Variants in TENT2 observed in about 807,000 individuals in gnomAD.
The protein encoded by TENT2 is terminal nucleotidyltransferase 2.
A neutral mutation model predicts 72.2 loss-of-function variants in TENT2; 44 were observed. That is an observed-to-expected ratio of 0.61 (90% CI 0.48 to 0.78). The LOEUF (loss-of-function observed/expected upper bound fraction) is 0.78. Ranked by LOEUF, TENT2 falls within the 30% of genes least tolerant of loss-of-function variation. The pLI, the probability that TENT2 is intolerant of heterozygous loss-of-function variation, is 0.00. For synonymous variants in TENT2, 212 were observed against 192.5 expected (o/e 1.10, Z -0.84); for missense variants, 541 against 569.6 (o/e 0.95, Z 0.51).
intron 7 of TENT2, 25 bp downstream of exon 7, chr5:79,642,935 G>A (rs374718741): frequency 6.5e-4 from 1,039 of 1,601,652 alleles, no homozygotes; most frequent in Non-Finnish European, 8.2e-4. Flanking sequence ...CCTCAAGTTT[G>A]TATGTCACCT....
chr5:79,666,356 CTG>C (rs1807912354), intron 11 of TENT2, among the ~76,000 whole-genome samples: 2 of 151,158 alleles, frequency 1.3e-5, no homozygotes, highest in African/African-American at 2.4e-5. Flanking sequence ...TCATTAAAAA[CTG>C]GGGATGTCTT....
intron 4 of TENT2, 91 bp downstream of exon 4, chr5:79,623,580 G>C (rs1264461644): frequency 3.1e-5 from 27 of 870,458 alleles, no homozygotes; most frequent in Non-Finnish European, 4.3e-5. Flanking sequence ...GGATTAAGTA[G>C]AACGTGCCTT....
chr5:79,636,962 TTTATA>T (rs1452148657), intron 4 of TENT2, among the ~76,000 whole-genome samples: 1 of 152,210 alleles, frequency 6.6e-6, no homozygotes, highest in East Asian at 1.9e-4. Context: ...GCCTTGGTTT[TTTATA>T]TTATGTTAAA....
At chr5:79,675,446 C>T (rs1367537122) in intron 12 of TENT2, among the ~76,000 whole-genome samples, 1 of 151,984 alleles carries the variant, frequency 6.6e-6, no homozygotes, top group Non-Finnish European at 1.5e-5. Flanking sequence ...AGAAGTAAGA[C>T]GAAAGTATGA....
At chr5:79,640,422 A>C (rs1783552631) in intron 4 of TENT2, among the ~76,000 whole-genome samples, 1 of 152,092 alleles carries the variant, frequency 6.6e-6, no homozygotes. Flanking sequence ...GATTGGGCAA[A>C]CTTCTTTAAA....
intron 4 of TENT2, among the ~76,000 whole-genome samples, chr5:79,632,112 CAG>C (rs1776054143): frequency 1.3e-5 from 2 of 152,100 alleles, no homozygotes; most frequent in African/African-American, 2.4e-5. Flanking sequence ...ACCAGAGAAA[CAG>C]AGTGCAGAAG....
In TENT2 at chr5:79,685,333, T is replaced by C. The variant is rs1825712057; in HGVS notation, c.*60T>C. ...ATAAAGAACAATAGTTTCATCATAA[T>C]ACATTATGTTTACCTCCATCATAGT... On this transcript the variant is annotated 3_prime_UTR_variant, in exon 15 of 15. Transcript: ENST00000453514. 6.4e-6 allele frequency: 8 copies of C among 1,249,098 alleles called. No homozygotes were observed. The highest frequency in any genetic ancestry group is 9.0e-6 in the Non-Finnish European group (8 of 892,660). 77.4% of individuals were successfully genotyped at this position (1,249,098 alleles called of 1,614,324 possible). A position where few individuals can be genotyped will look rare whatever the true frequency, so the allele number is the denominator to read the frequency against.
Position 79,686,952 on chromosome 5 carries a change from T to C in TENT2, c.*1679T>C, listed in dbSNP as rs141409653. 5.8e-3 allele frequency among the ~76,000 whole-genome samples: 885 copies of C among 152,290 alleles called. 7 individuals carry two copies. Among genetic ancestry groups the C allele is most frequent in the South Asian group, 0.018 (85 of 4,824 alleles). On this transcript the variant is annotated 3_prime_UTR_variant, in exon 15 of 15. Transcript: ENST00000453514. ...TATTCTAGTGATGACTGGGTAATCA[T>C]TATAAGCATTAGTCATAGTACTATT... is the stretch of plus-strand genomic sequence containing the variant.
intron 12 of TENT2, among the ~76,000 whole-genome samples, chr5:79,670,598 C>T (rs1186760513): frequency 6.6e-6 from 1 of 151,926 alleles, no homozygotes; most frequent in Non-Finnish European, 1.5e-5. Context: ...GCTGGGATTA[C>T]AGGTGTGAGC....
intron 10 of TENT2, among the ~76,000 whole-genome samples, chr5:79,649,905 C>T (rs1792354260): frequency 6.6e-6 from 1 of 152,024 alleles, no homozygotes; most frequent in Non-Finnish European, 1.5e-5. Flanking sequence ...AAGAAATAAA[C>T]ATTAAGCTGC....
At chr5:79,635,080 T>C (rs1778995274) in intron 4 of TENT2, among the ~76,000 whole-genome samples, 1 of 152,234 alleles carries the variant, frequency 6.6e-6, no homozygotes, top group South Asian at 2.1e-4. Flanking sequence ...TGTTATTACA[T>C]ATATGATCTA....
intron 10 of TENT2, 159 bp from the exon 11 acceptor site, chr5:79,656,799 C>A: frequency 2.0e-6 from 1 of 511,452 alleles, no homozygotes; most frequent in Non-Finnish European, 3.4e-6. Context: ...ATTTTAAATA[C>A]AAACTTAGGG....
At chr5:79,656,862 C>T in intron 10 of TENT2, 96 bp from the exon 11 acceptor site, 6 of 765,394 alleles carry the variant, frequency 7.8e-6, no homozygotes, top group Non-Finnish European at 1.3e-5. Flanking sequence ...TAGCATAAAC[C>T]CTTATGGTCT....
At chr5:79,650,374 A>G (rs1418270424) in intron 10 of TENT2, among the ~76,000 whole-genome samples, 1 of 152,072 alleles carries the variant, frequency 6.6e-6, no homozygotes, top group Non-Finnish European at 1.5e-5. Flanking sequence ...GTTACCTACC[A>G]AAACGTGAAT....
Position 79,619,734 on chromosome 5 carries a change from T to C in TENT2, c.86T>C (p.Val29Ala). 1 of 1,613,916 alleles carries C rather than the reference T, an allele frequency of 6.2e-7. No homozygotes were observed. Among genetic ancestry groups the C allele is most frequent in the East Asian group, 2.2e-5 (1 of 44,854 alleles). Residue 29 changes from valine to alanine, a missense_variant, in exon 2 of 15, where the codon GTT becomes GCT. Coordinates refer to ENST00000453514, the MANE Select transcript of TENT2 (RefSeq NM_001114394.3). ...AACTTCTTTACCCTGTCACCTACTG[T>C]TTATTCACACCAGCAGCTTATAGAT... ...HNNFFTLSPT[V>A]YSHQQLIDAQ...
At chr5:79,652,291 A>G (rs938119310) in intron 10 of TENT2, among the ~76,000 whole-genome samples, 1 of 152,050 alleles carries the variant, frequency 6.6e-6, no homozygotes, top group Non-Finnish European at 1.5e-5. Context: ...ATAGCCACCA[A>G]CAATCATGTT....
intron 10 of TENT2, 57 bp downstream of exon 10, chr5:79,649,247 T>G (rs957314068): frequency 1.0e-5 from 15 of 1,499,334 alleles, no homozygotes; most frequent in Non-Finnish European, 1.4e-5. Flanking sequence ...TTTATTATGG[T>G]GTCTTCTCTG....
At position 79,619,550 on chromosome 5, in the gene TENT2, A is replaced by G. The variant is rs1171401428; in HGVS notation, c.-37-62A>G. On this transcript the variant is annotated intron_variant, in intron 1 of 14. Coordinates refer to ENST00000453514, the MANE Select transcript of TENT2 (RefSeq NM_001114394.3). Reference sequence around the variant, plus strand: ...TGTTTTAAGTTAGTGGATAATAGTTATCAAAGTGTTTAGTGTCTTTAAGCT... The same window carrying G: ...TGTTTTAAGTTAGTGGATAATAGTTGTCAAAGTGTTTAGTGTCTTTAAGCT... 2.3e-5 allele frequency: 28 copies of G among 1,207,706 alleles called. No individual in the cohort carries two copies. In the South Asian group the frequency reaches 5.4e-4, roughly 23 times the overall value. 74.8% of individuals were successfully genotyped at this position (1,207,706 alleles called of 1,614,324 possible). A position where few individuals can be genotyped will look rare whatever the true frequency, so the allele number is the denominator to read the frequency against.
intron 12 of TENT2, among the ~76,000 whole-genome samples, chr5:79,669,425 G>A (rs564730415): frequency 6.6e-6 from 1 of 152,254 alleles, no homozygotes; most frequent in Admixed American, 6.5e-5. Context: ...TTAATACTTG[G>A]CATCTTCGTA....
Sources: gnomAD v4.1 joint callset for allele counts (sites outside exome capture counted in the v4.1 genomes callset) on GRCh38, gnomAD v4.1.1 for gene constraint, MANE v1.5 for transcripts, NCBI Gene and HGNC (gene_info 2026-07-23, HGNC 2026-07-21) for gene names.